ZCCHC14: variants seen among roughly 807,000 people sequenced by gnomAD.
ZCCHC14 encodes the protein zinc finger CCHC domain-containing protein 14.
In ZCCHC14, 16 loss-of-function variants were observed where a neutral mutation model predicts 85.0. The ratio of observed to expected loss-of-function variants is 0.19; its 90% confidence interval spans 0.13 to 0.29. The LOEUF (loss-of-function observed/expected upper bound fraction) is 0.29, where lower values mean the gene tolerates loss of function less well. Ranked by LOEUF, ZCCHC14 falls within the 10% of genes least tolerant of loss-of-function variation. The pLI is 1.00. For missense variants in ZCCHC14, 1,303 were observed against 1,443.5 expected, an observed-to-expected ratio of 0.90 and a Z score of 1.58; for synonymous variants, 775 against 630.7, an observed-to-expected ratio of 1.23 and a Z score of -3.43.
In ZCCHC14 at chr16:87,409,677, GCTGA is replaced by G. The variant is rs1478190360; in HGVS notation, c.*599_*602del. On this transcript the variant is annotated 3_prime_UTR_variant, in exon 13 of 13. Coordinates refer to ENST00000671377, the MANE Select transcript of ZCCHC14 (RefSeq NM_015144.3). ...CCTAAGTCGAGTAGCCTCTGCTGGT[GCTGA>G]CTCTTTCAATATGGATTATTGGAGT... 6.6e-6 allele frequency: 1 copy of G among 152,666 alleles called. No individual in the cohort carries two copies. The highest frequency in any genetic ancestry group is 1.5e-5 in the Non-Finnish European group (1 of 68,060). 9.5% of individuals were successfully genotyped at this position (152,666 alleles called of 1,614,324 possible).
chr16:87,415,439 T>A, intron 8 of ZCCHC14, 72 bp from the exon 9 acceptor site: 1 of 1,309,036 alleles, frequency 7.6e-7, no homozygotes, highest in East Asian at 2.3e-5. Context: ...AACTTGGAGT[T>A]GAATTCAGTA....
Position 87,406,605 on chromosome 16 carries a change from A to C in ZCCHC14, c.*3675T>G, listed in dbSNP as rs1281935740. The C allele has an allele frequency of 6.6e-6, 1 of 152,292 alleles. No individual in the cohort carries two copies. The highest frequency in any genetic ancestry group is 1.5e-5 in the Non-Finnish European group (1 of 68,042). 9.4% of individuals were successfully genotyped at this position (152,292 alleles called of 1,614,324 possible). Reference sequence around the variant, plus strand: ...CAAAGCCTTCTCTTTTTGTGCACGTAAGACTCACACATGTGATGAGGGCTT... The same window carrying C: ...CAAAGCCTTCTCTTTTTGTGCACGTCAGACTCACACATGTGATGAGGGCTT... On this transcript the variant is annotated 3_prime_UTR_variant, in exon 13 of 13. Transcript: ENST00000671377.
In ZCCHC14 at chr16:87,417,725, G is replaced by T. The variant is rs1399047306; in HGVS notation, c.1118C>A (p.Ala373Asp). 2 of 1,599,118 alleles carry T rather than the reference G, an allele frequency of 1.3e-6. No individual in the cohort carries two copies. Among genetic ancestry groups the T allele is most frequent in the Admixed American group, 3.4e-5 (2 of 59,466 alleles). Reference protein sequence around the residue: ...GVSGRPVCGVAGIPSSQSGAQ... With the variant: ...GVSGRPVCGVDGIPSSQSGAQ... ...TCCGCTCTGCGAGGACGGGATACCA[G>T]CCACTCCACACACAGGCCTGTGGGA... is the stretch of plus-strand genomic sequence containing the variant. Residue 373 changes from alanine to aspartate, a missense_variant, in exon 8 of 13, where the codon GCT becomes GAT. This residue lies in a region of ZCCHC14 where 389 missense variants were observed against 397.8 expected (regional missense o/e 0.98). Coordinates refer to ENST00000671377, the MANE Select transcript of ZCCHC14 (RefSeq NM_015144.3).
Position 87,467,392 on chromosome 16 carries a change from T to C in ZCCHC14, c.571-7261A>G, listed in dbSNP as rs550058941. 1.6e-3 allele frequency: 2,566 copies of C among 1,600,482 alleles called. 2 individuals carry two copies. Among genetic ancestry groups the C allele is most frequent in the Non-Finnish European group, 2.0e-3 (2,323 of 1,168,992 alleles). On this transcript the variant is annotated intron_variant, in intron 1 of 12. Transcript: ENST00000671377. Reference sequence around the variant, plus strand: ...ATTAAGCAAGAGAAACTGGGCACAGTTTACTGTCAGGCAAGCTCTCCTGGA... The same window carrying C: ...ATTAAGCAAGAGAAACTGGGCACAGCTTACTGTCAGGCAAGCTCTCCTGGA...
At chr16:87,469,209 G>A (rs9936994) in intron 1 of ZCCHC14, among the ~76,000 whole-genome samples, 44,411 of 152,068 alleles carry the variant, frequency 0.29, 9,861 homozygotes, top group African/African-American at 0.6. Flanking sequence ...CAATGCACCC[G>A]GCTATAACCA....
chr16:87,489,500 G>A (rs1269908738), intron 1 of ZCCHC14, among the ~76,000 whole-genome samples: 5 of 152,220 alleles, frequency 3.3e-5, no homozygotes, highest in Non-Finnish European at 7.3e-5. Context: ...AGAGGAGAAA[G>A]CAGCATTTAC....
chr16:87,469,666 C>T (rs181244494), intron 1 of ZCCHC14, among the ~76,000 whole-genome samples: 6 of 152,308 alleles, frequency 3.9e-5, no homozygotes, highest in East Asian at 1.9e-4. Context: ...GTGGTGCTTG[C>T]GGTGTGGCTG....
At chr16:87,444,911 A>G (rs2150747025) in intron 2 of ZCCHC14, among the ~76,000 whole-genome samples, 1 of 152,224 alleles carries the variant, frequency 6.6e-6, no homozygotes, top group South Asian at 2.1e-4. Context: ...CAACTTCCTG[A>G]TCTTGATGGC....
intron 1 of ZCCHC14, among the ~76,000 whole-genome samples, chr16:87,461,251 C>T (rs1911242273): frequency 6.6e-6 from 1 of 152,210 alleles, no homozygotes; most frequent in Non-Finnish European, 1.5e-5. Flanking sequence ...GTGGAATAAG[C>T]CGGAAGGGGC....
chr16:87,458,349 G>C (rs1654500332), intron 2 of ZCCHC14, among the ~76,000 whole-genome samples: 3 of 152,182 alleles, frequency 2.0e-5, no homozygotes, highest in African/African-American at 7.2e-5. Context: ...CTCTGGGGTT[G>C]GAGCATCGCG....
In ZCCHC14 at chr16:87,412,335, T is replaced by G; in HGVS notation, c.2386A>C (p.Asn796His). ...SAISGQTSCP[N>H]NVQISVPPAI... The stretch of plus-strand genomic sequence containing the variant: ...GGGGGCACACTTATTTGCACATTAT[T>G]AGGACAGGAAGTTTGCCCAGAAATG... The change falls in exon 12 of 13, where the codon AAT (asparagine) becomes CAT (histidine). Residue 796 changes from asparagine (N) to histidine (H), a missense_variant. Asn to His is a moderately conservative substitution (Grantham distance 68). Transcript: ENST00000671377. The G allele has an allele frequency of 6.2e-7, 1 of 1,614,072 alleles. No homozygotes were observed. The highest frequency in any genetic ancestry group is 8.5e-7 in the Non-Finnish European group (1 of 1,180,036).
chr16:87,447,347 C>G (rs1910491650), intron 2 of ZCCHC14, among the ~76,000 whole-genome samples: 1 of 151,966 alleles, frequency 6.6e-6, no homozygotes, highest in Non-Finnish European at 1.5e-5. Context: ...GAGCAAAATG[C>G]AGAGATCTGA....
intron 2 of ZCCHC14, among the ~76,000 whole-genome samples, chr16:87,444,460 T>C (rs1216990301): frequency 1.3e-5 from 2 of 152,216 alleles, no homozygotes; most frequent in African/African-American, 4.8e-5. Flanking sequence ...ATGATTAAGC[T>C]GAAAGTCTGA....
At chr16:87,462,229 T>C (rs1315304069) in intron 1 of ZCCHC14, among the ~76,000 whole-genome samples, 1 of 152,196 alleles carries the variant, frequency 6.6e-6, no homozygotes, top group East Asian at 1.9e-4. Flanking sequence ...GAATTTCTTA[T>C]ATTTGTAATT....
intron 2 of ZCCHC14, among the ~76,000 whole-genome samples, chr16:87,447,098 T>C (rs1200638375): frequency 6.6e-6 from 1 of 152,216 alleles, no homozygotes; most frequent in East Asian, 1.9e-4. Context: ...GAAGACAGAA[T>C]TCTGCCAATA....
At chr16:87,464,068 G>A (rs993963259) in intron 1 of ZCCHC14, among the ~76,000 whole-genome samples, 5 of 152,182 alleles carry the variant, frequency 3.3e-5, no homozygotes, top group African/African-American at 1.2e-4. Flanking sequence ...AAAGAAACAC[G>A]TGTGATCAGT....
intron 1 of ZCCHC14, among the ~76,000 whole-genome samples, chr16:87,490,613 T>C (rs1912709643): frequency 6.6e-6 from 1 of 152,234 alleles, no homozygotes; most frequent in African/African-American, 2.4e-5. Context: ...CGGAGATCTT[T>C]AACCTAACCT....
Position 87,491,526 on chromosome 16 carries a change from G to T in ZCCHC14, c.570+143C>A. 1 of 658,104 alleles carries T rather than the reference G, an allele frequency of 1.5e-6. No homozygotes were observed. The highest frequency in any genetic ancestry group is 2.2e-6 in the Non-Finnish European group (1 of 448,408). 40.8% of individuals were successfully genotyped at this position (658,104 alleles called of 1,614,324 possible). A position where few individuals can be genotyped will look rare whatever the true frequency, so the allele number is the denominator to read the frequency against. ...TTGGGATACGGGCTGGGGGCTCGTG[G>T]TGCAGGTTGGAGACCTGGGTGGGAG... On this transcript the variant is annotated intron_variant, in intron 1 of 12. Transcript: ENST00000671377. This position sits in a 1 kb window ranked among gnomAD's most constrained non-coding sequence, Gnocchi z 5.9.
Position 87,414,612 on chromosome 16 carries a change from C to T in ZCCHC14, c.1476-71G>A, listed in dbSNP as rs1037740280. 5.9e-6 allele frequency: 9 copies of T among 1,530,076 alleles called. No homozygotes were observed. The African/African-American group carries it at 6.8e-5, about 12-fold the overall frequency. The allele number at this position is 1,530,076 out of a possible 1,614,324, so 94.8% of individuals were successfully genotyped here. A position where few individuals can be genotyped will look rare whatever the true frequency, so the allele number is the denominator to read the frequency against. The stretch of plus-strand genomic sequence containing the variant: ...TGCTGCCTCACATGCGGCTTCAAGA[C>T]GGGTCTACTCCACACCACAGGGCGG... On this transcript the variant is annotated intron_variant, in intron 9 of 12. Transcript: ENST00000671377.
Sources: allele counts gnomAD v4.1 joint callset (sites outside exome capture counted in the v4.1 genomes callset), GRCh38; gene constraint gnomAD v4.1.1; regional missense constraint gnomAD v4.1.1; non-coding constraint Gnocchi (gnomAD v3.1); transcripts MANE v1.5; gene names NCBI Gene and HGNC (gene_info 2026-07-23, HGNC 2026-07-21).